LDB3: variants seen among roughly 807,000 people sequenced by gnomAD.
The protein encoded by LDB3 is LIM domain-binding protein 3.
LDB3 carries 49 observed loss-of-function variants against 69.0 expected under a neutral mutation model. That is an observed-to-expected ratio of 0.71 (90% CI 0.56 to 0.90). LDB3 has a LOEUF of 0.90. Among genes scored for constraint, LDB3 ranks in the 40% least tolerant of loss-of-function variants. The probability of loss-of-function intolerance (pLI) is 0.00; values close to 1 mark genes in which losing one functional copy is unlikely to be tolerated. For synonymous variants in LDB3, 387 were observed against 396.2 expected (o/e 0.98, Z 0.28); for missense variants, 928 against 974.1 (o/e 0.95, Z 0.63).
Position 86,706,727 on chromosome 10 carries a change from G to A in LDB3, c.1085+8G>A. On this transcript the variant is annotated splice_region_variant and intron_variant, in intron 8 of 13. Transcript: ENST00000361373. ...TCCTGCCGACAGCCCAAGGTAACTG[G>A]GCCACAGGTGCTGGGCCTGACCCTG... 1 of 1,608,344 alleles carries A rather than the reference G, an allele frequency of 6.2e-7. No homozygotes were observed.
intron 5 of LDB3, among the ~76,000 whole-genome samples, chr10:86,689,188 CTT>C (rs1319960226): frequency 3.3e-5 from 5 of 152,182 alleles, no homozygotes. Flanking sequence ...ACCCGGCTCT[CTT>C]GTGTGCGCTG....
At chr10:86,697,345 C>T (rs1272394244) in intron 7 of LDB3, among the ~76,000 whole-genome samples, 1 of 150,068 alleles carries the variant, frequency 6.7e-6, no homozygotes, top group Admixed American at 6.7e-5. Context: ...CCTCAGCCTC[C>T]TGAGTAGCTG....
chr10:86,700,281 T>C (rs147159580), intron 7 of LDB3, among the ~76,000 whole-genome samples: 107 of 152,196 alleles, frequency 7.0e-4, no homozygotes, highest in African/African-American at 2.3e-3. Context: ...CTGAGGCCCA[T>C]TGGGCAACCT....
intron 6 of LDB3, 117 bp from the exon 7 acceptor site, chr10:86,692,418 G>A (rs1845809927): frequency 6.8e-6 from 7 of 1,027,388 alleles, no homozygotes; most frequent in Middle Eastern, 2.0e-4. Flanking sequence ...ACAGGCAAGG[G>A]GGCAGTCACC....
In LDB3 at chr10:86,733,121, T is replaced by C. The variant is rs928233701; in HGVS notation, c.*145T>C. 4 of 690,872 alleles carry C rather than the reference T, an allele frequency of 5.8e-6. No individual in the cohort carries two copies. The African/African-American group carries it at 7.2e-5, about 12-fold the overall frequency. 42.8% of individuals were successfully genotyped at this position (690,872 alleles called of 1,614,324 possible). Reference sequence around the variant, plus strand: ...CTTTGGAAGTATAATTTTAGGTTTTTTCTTCTGTACACAGATCGTGCATTT... The same window carrying C: ...CTTTGGAAGTATAATTTTAGGTTTTCTCTTCTGTACACAGATCGTGCATTT... On this transcript the variant is annotated 3_prime_UTR_variant, in exon 14 of 14. Transcript: ENST00000361373.
intron 9 of LDB3, among the ~76,000 whole-genome samples, chr10:86,715,635 G>A (rs1350284583): frequency 6.6e-6 from 1 of 152,066 alleles, no homozygotes; most frequent in African/African-American, 2.4e-5. Flanking sequence ...GTCCCCCAAG[G>A]CAGCCACGGG....
chr10:86,689,391 G>A (rs1308000896), intron 5 of LDB3, among the ~76,000 whole-genome samples: 4 of 152,162 alleles, frequency 2.6e-5, no homozygotes, highest in Non-Finnish European at 5.9e-5. Flanking sequence ...CTCTGTCCAC[G>A]CTCCTCCTCA....
intron 2 of LDB3, among the ~76,000 whole-genome samples, chr10:86,670,147 T>TG (rs1255051372): frequency 1.3e-5 from 2 of 152,134 alleles, no homozygotes; most frequent in African/African-American, 4.8e-5. Flanking sequence ...GGTGCTGGCC[T>TG]GGCTCTGGTG....
intron 12 of LDB3, among the ~76,000 whole-genome samples, chr10:86,723,059 G>A (rs889977098): frequency 6.6e-6 from 1 of 151,670 alleles, no homozygotes; most frequent in African/African-American, 2.4e-5. Flanking sequence ...TTGAGCCCAG[G>A]AGTTCAAGAA....
At position 86,681,737 on chromosome 10, in the gene LDB3, G is replaced by T; in HGVS notation, c.623G>T (p.Arg208Met). 1 of 1,608,862 alleles carries T rather than the reference G, an allele frequency of 6.2e-7. No homozygotes were observed. The highest frequency in any genetic ancestry group is 1.1e-5 in the South Asian group (1 of 90,540). Reference sequence around the variant, plus strand: ...GGCCTGTACTCGGCAGAGACCCTGAGGGAGATGGCTCAGATGTACCAGATG... The same window carrying T: ...GGCCTGTACTCGGCAGAGACCCTGATGGAGATGGCTCAGATGTACCAGATG... ...PIGLYSAETL[R>M]EMAQMYQMSL... Residue 208 changes from arginine (R) to methionine (M), a missense_variant, in exon 5 of 14, where the codon AGG becomes ATG. Physicochemically the swap from Arg to Met is moderately conservative, Grantham distance 91. Coordinates refer to ENST00000361373, the MANE Select transcript of LDB3 (RefSeq NM_007078.3).
intron 13 of LDB3, among the ~76,000 whole-genome samples, chr10:86,731,027 C>T (rs1014669201): frequency 4.6e-5 from 7 of 151,128 alleles, no homozygotes; most frequent in African/African-American, 1.2e-4. Context: ...TGGTGGTGGG[C>T]GCCTGTAATC....
At chr10:86,697,248 G>A (rs1264056361) in intron 7 of LDB3, among the ~76,000 whole-genome samples, 1 of 108,340 alleles carries the variant, frequency 9.2e-6, no homozygotes, top group African/African-American at 3.6e-5. Flanking sequence ...TTGAGACAGA[G>A]TCTTGCTCTG....
At chr10:86,706,922 TGTCA>T (rs898939876) in intron 8 of LDB3, among the ~76,000 whole-genome samples, 1 of 152,170 alleles carries the variant, frequency 6.6e-6, no homozygotes, top group Non-Finnish European at 1.5e-5. Flanking sequence ...TGGCGGGGAC[TGTCA>T]CTCTGCCCCC....
At chr10:86,722,846 C>T (rs1006658255) in intron 12 of LDB3, among the ~76,000 whole-genome samples, 1 of 152,014 alleles carries the variant, frequency 6.6e-6, no homozygotes, top group Non-Finnish European at 1.5e-5. Flanking sequence ...GGATTACAGG[C>T]GTGAGCCACC....
At chr10:86,696,085 G>A (rs969889661) in intron 7 of LDB3, among the ~76,000 whole-genome samples, 15 of 152,228 alleles carry the variant, frequency 9.9e-5, no homozygotes, top group African/African-American at 1.7e-4. Context: ...TTCCATGCCC[G>A]TTTTCTATCA....
At chr10:86,724,695 A>T (rs1380878489) in intron 12 of LDB3, among the ~76,000 whole-genome samples, 3 of 152,048 alleles carry the variant, frequency 2.0e-5, no homozygotes, top group African/African-American at 7.2e-5. Context: ...AGATGTCATG[A>T]GGATTAAACA....
At chr10:86,704,267 C>T (rs1470567877) in intron 7 of LDB3, among the ~76,000 whole-genome samples, 1 of 152,134 alleles carries the variant, frequency 6.6e-6, no homozygotes, top group South Asian at 2.1e-4. Flanking sequence ...AGTGGTGAGG[C>T]CCCAAGCCCT....
At chr10:86,692,427 C>T (rs966424132) in intron 6 of LDB3, 108 bp from the exon 7 acceptor site, 33 of 1,128,354 alleles carry the variant, frequency 2.9e-5, no homozygotes, top group Non-Finnish European at 4.3e-5. Context: ...GGGGCAGTCA[C>T]CGTGTGGGGC....
rs140433765 is a variant in LDB3, at chr10:86,735,147, C to T, written c.*2171C>T. 1.3e-5 allele frequency: 2 copies of T among 149,840 alleles called. No individual in the cohort carries two copies. The highest frequency in any genetic ancestry group is 3.0e-5 in the Non-Finnish European group (2 of 67,706). 9.3% of individuals were successfully genotyped at this position (149,840 alleles called of 1,614,324 possible). A position where few individuals can be genotyped will look rare whatever the true frequency, so the allele number is the denominator to read the frequency against. On this transcript the variant is annotated 3_prime_UTR_variant, in exon 14 of 14. Transcript: ENST00000361373. Reference sequence around the variant, plus strand: ...CTTTAAGAAGAAAAGTAAAATATCTCAAAGGACGGTTTCACCACCGTCCTT... The same window carrying T: ...CTTTAAGAAGAAAAGTAAAATATCTTAAAGGACGGTTTCACCACCGTCCTT...
Sources: allele counts gnomAD v4.1 joint callset (sites outside exome capture counted in the v4.1 genomes callset), GRCh38; gene constraint gnomAD v4.1.1; transcripts MANE v1.5; gene names NCBI Gene and HGNC (gene_info 2026-07-23, HGNC 2026-07-21).